Variants in FRZB observed in about 807,000 individuals in gnomAD.
FRZB encodes the protein frizzled related protein, also known as secreted frizzled-related protein 3.
In FRZB, 34 loss-of-function variants were observed where a neutral mutation model predicts 32.5. The observed-to-expected ratio is 1.05, with a 90% CI of 0.80 to 1.39. The LOEUF is 1.39. FRZB is among the 40% of genes most tolerant of loss of function. The probability of loss-of-function intolerance (pLI) is 0.00; values close to 1 mark genes in which losing one functional copy is unlikely to be tolerated. For missense variants in FRZB, 423 were observed against 424.8 expected (o/e 1.00, Z 0.04); for synonymous variants, 170 against 159.2 (o/e 1.07, Z -0.51).
At chr2:182,857,062 G>A (rs1695778117) in intron 2 of FRZB, among the ~76,000 whole-genome samples, 1 of 151,732 alleles carries the variant, frequency 6.6e-6, no homozygotes, top group African/African-American at 2.4e-5. Context: ...CTGGATCAGA[G>A]AATAAACCTT....
In FRZB at chr2:182,866,383, A is replaced by C; in HGVS notation, c.170T>G (p.Leu57Arg). ...GGCGTTGGCCTGAGTGCTGTGGTGC[A>C]GGTGGTTGGGCATCTTAGTCATGTT... ...PWNMTKMPNH[L>R]HHSTQANAIL... The change falls in exon 1 of 6, where the codon CTG becomes CGG. Residue 57 changes from leucine (L) to arginine (R), a missense_variant. Leu to Arg is a moderately radical substitution (Grantham distance 102). Coordinates refer to ENST00000295113, the MANE Select transcript of FRZB (RefSeq NM_001463.4). This position sits in a 1 kb window ranked among gnomAD's most constrained non-coding sequence, Gnocchi z 4.5. 1 of 1,613,092 alleles carries C rather than the reference A, an allele frequency of 6.2e-7. No individual in the cohort carries two copies. The highest frequency in any genetic ancestry group is 8.5e-7 in the Non-Finnish European group (1 of 1,179,216).
intron 5 of FRZB, among the ~76,000 whole-genome samples, chr2:182,836,820 G>A (rs1171889249): frequency 6.6e-6 from 1 of 152,052 alleles, no homozygotes; most frequent in Non-Finnish European, 1.5e-5. Flanking sequence ...ATGCCCGCAA[G>A]TCTGAACTTG....
chr2:182,838,357 T>C, intron 4 of FRZB, 52 bp downstream of exon 4: 2 of 1,436,038 alleles, frequency 1.4e-6, no homozygotes, highest in Non-Finnish European at 2.0e-6. Flanking sequence ...ACAAATTTAA[T>C]GAGAGTAGGA....
At chr2:182,854,762 T>C (rs1252266808) in intron 2 of FRZB, among the ~76,000 whole-genome samples, 7 of 152,168 alleles carry the variant, frequency 4.6e-5, no homozygotes, top group Non-Finnish European at 1.0e-4. Context: ...TCTTTCTCTG[T>C]CCTCCCACCA....
chr2:182,862,754 ATTTCT>A (rs1179905673), intron 1 of FRZB, among the ~76,000 whole-genome samples: 119 of 144,086 alleles, frequency 8.3e-4, no homozygotes, highest in African/African-American at 2.9e-3. Context: ...ATGCTGTTTA[ATTTCT>A]TTTCTTTTCT....
intron 2 of FRZB, among the ~76,000 whole-genome samples, chr2:182,847,862 AACCAGTCACCTCAGTTGAGTAATTTTC>A (rs900095059): frequency 1.4e-4 from 21 of 152,292 alleles, no homozygotes; most frequent in African/African-American, 5.1e-4. Flanking sequence ...TTTAAAGTGA[AACCAGTCACCTCAGTTGAGTAATTTTC>A]TCAAATAACT....
At chr2:182,848,953 T>C (rs1031262179) in intron 2 of FRZB, among the ~76,000 whole-genome samples, 9 of 151,952 alleles carry the variant, frequency 5.9e-5, no homozygotes, top group Non-Finnish European at 8.8e-5. Context: ...TAGGCCGGGG[T>C]GCGGTGGCTC....
intron 5 of FRZB, among the ~76,000 whole-genome samples, chr2:182,836,741 A>C (rs1489331900): frequency 6.6e-6 from 1 of 152,110 alleles, no homozygotes; most frequent in Non-Finnish European, 1.5e-5. Flanking sequence ...AAGAGATTCC[A>C]ACATACTGAA....
chr2:182,849,870 C>A (rs745902305), intron 2 of FRZB, among the ~76,000 whole-genome samples: 3 of 152,160 alleles, frequency 2.0e-5, no homozygotes, highest in Non-Finnish European at 4.4e-5. Context: ...AGAGTCAATA[C>A]AATTATGCTT....
At chr2:182,847,519 T>G (rs1695658982) in intron 2 of FRZB, among the ~76,000 whole-genome samples, 1 of 152,210 alleles carries the variant, frequency 6.6e-6, no homozygotes, top group African/African-American at 2.4e-5. Flanking sequence ...ACGTGATGAC[T>G]GGACCCTGAG....
intron 2 of FRZB, among the ~76,000 whole-genome samples, chr2:182,842,932 C>T (rs1482235299): frequency 6.6e-6 from 1 of 152,104 alleles, no homozygotes; most frequent in Non-Finnish European, 1.5e-5. Flanking sequence ...GCTGGTTTGC[C>T]CTGTGGACTA....
rs371733411 is a variant in FRZB at position 182,854,570 on chromosome 2, C to T, written c.526+4216G>A. Among the ~76,000 whole-genome samples the T allele has an allele frequency of 7.9e-5, 12 of 152,296 alleles. 1 individual carries two copies. The highest frequency in any genetic ancestry group is 2.9e-4 in the African/African-American group (12 of 41,564). ...CTCAAGAAGTGGAAAGGATCTCTAA[C>T]ATATCAGCCTCTTGCATTCCATTCC... On this transcript the variant is annotated intron_variant, in intron 2 of 5. Coordinates refer to ENST00000295113, the MANE Select transcript of FRZB (RefSeq NM_001463.4).
In FRZB at chr2:182,834,853, T is replaced by C. The variant is rs1695505903; in HGVS notation, c.974A>G (p.Asn325Ser). Residue 325 changes from asparagine to serine, a missense_variant, in exon 6 of 6, where the codon AAC (asparagine) becomes AGC (serine). By Grantham distance (46) the Asn-to-Ser change is conservative. Transcript: ENST00000295113. The part of the protein sequence containing the change: ...GRNSNPRQAR[N>S] ...TTACTTTTTGTATTTCGGGATTTAG[T>C]TGCGTGCTTGCCGGGGGTTCGAGTT... 1 of 1,610,582 alleles carries C rather than the reference T, an allele frequency of 6.2e-7. No individual in the cohort carries two copies. Among genetic ancestry groups the C allele is most frequent in the South Asian group, 1.1e-5 (1 of 91,008 alleles).
Position 182,859,799 on chromosome 2 carries a change from C to A in FRZB, c.479-966G>T, listed in dbSNP as rs563753440. Among the ~76,000 whole-genome samples the A allele has an allele frequency of 1.2e-3, 184 of 152,236 alleles. 1 individual carries two copies. The highest frequency in any genetic ancestry group is 4.1e-3 in the African/African-American group (170 of 41,550). On this transcript the variant is annotated intron_variant, in intron 1 of 5. Coordinates refer to ENST00000295113, the MANE Select transcript of FRZB (RefSeq NM_001463.4). ...TCAGCAAGTATTTAAAAAGCAATAT[C>A]CAAGAAAAGACAGCAGTCAGCAAAC... is the stretch of plus-strand genomic sequence containing the variant.
At chr2:182,838,748 C>A (rs1695555598) in intron 3 of FRZB, 135 bp from the exon 4 acceptor site, 2 of 718,522 alleles carry the variant, frequency 2.8e-6, no homozygotes, top group South Asian at 1.9e-5. Flanking sequence ...GAAAAGTCAG[C>A]CAGATATTTT....
chr2:182,855,674 T>C (rs1695760629), intron 2 of FRZB, among the ~76,000 whole-genome samples: 1 of 152,056 alleles, frequency 6.6e-6, no homozygotes, highest in African/African-American at 2.4e-5. Context: ...TATCAGAAGA[T>C]CTAACATTCA....
chr2:182,837,914 T>C lies in FRZB; in HGVS notation c.861+34A>G, dbSNP rs1256581364. 5 of 1,545,696 alleles carry C rather than the reference T, an allele frequency of 3.2e-6. No individual in the cohort carries two copies. In the East Asian group the frequency reaches 1.1e-4, roughly 35 times the overall value. On this transcript the variant is annotated intron_variant, in intron 5 of 5. Transcript: ENST00000295113. ...GGTTTTCTACTTTTGTTTTGTTTTC[T>C]GTGTATTACTTCAAACATAAAATAC... is the stretch of plus-strand genomic sequence containing the variant.
chr2:182,842,959 T>C (rs771467255), intron 2 of FRZB, among the ~76,000 whole-genome samples: 6 of 152,336 alleles, frequency 3.9e-5, no homozygotes, highest in Non-Finnish European at 5.9e-5. Flanking sequence ...AATGTTTTTT[T>C]ACTTTTAACA....
chr2:182,841,411 T>C (rs1422249888), intron 3 of FRZB, among the ~76,000 whole-genome samples: 1 of 152,162 alleles, frequency 6.6e-6, no homozygotes, highest in East Asian at 1.9e-4. Flanking sequence ...AAATCTGCTG[T>C]ATATATCCTA....
Sources: allele counts gnomAD v4.1 joint callset (sites outside exome capture counted in the v4.1 genomes callset), GRCh38; gene constraint gnomAD v4.1.1; non-coding constraint Gnocchi (gnomAD v3.1); transcripts MANE v1.5; gene names NCBI Gene and HGNC (gene_info 2026-07-23, HGNC 2026-07-21).